The following CHRNA1 variants were observed in gnomAD, a reference collection of about 807,000 sequenced individuals.
The protein encoded by CHRNA1 is acetylcholine receptor subunit alpha.
Under a neutral mutation model 47.1 loss-of-function variants are expected in CHRNA1, and 35 were observed. The observed-to-expected ratio is 0.74, with a 90% CI of 0.57 to 0.99. CHRNA1 has a LOEUF of 0.99. Among genes scored for constraint, CHRNA1 ranks in the 50% least tolerant of loss-of-function variants. The pLI is 0.00. For synonymous variants in CHRNA1, 229 were observed against 223.6 expected, an observed-to-expected ratio of 1.02 and a Z score of -0.22; for missense variants, 506 against 591.1, an observed-to-expected ratio of 0.86 and a Z score of 1.49.
intron 3 of CHRNA1, among the ~76,000 whole-genome samples, chr2:174,758,600 A>C (rs1408137344): frequency 6.6e-6 from 1 of 151,388 alleles, no homozygotes; most frequent in Non-Finnish European, 1.5e-5. Context: ...ATTTCAAAAT[A>C]AAAACCAAAA....
chr2:174,753,663 G>A lies in CHRNA1; in HGVS notation c.618C>T (p.His206=), dbSNP rs757820359. The A allele has an allele frequency of 2.5e-6, 4 of 1,614,144 alleles. No homozygotes were observed. The highest frequency in any genetic ancestry group is 2.2e-5 in the East Asian group (1 of 44,890). The change falls in exon 6 of 9, where the codon CAC becomes CAT. Residue 206 remains histidine, a synonymous_variant. Transcript: ENST00000348749. ...CGGGGCAGCAGGAATAGGTCACGGAGTGCTTCCAGCCCCGGGACTCCTTGA... is the reference window on the plus strand; with the variant it reads ...CGGGGCAGCAGGAATAGGTCACGGAATGCTTCCAGCCCCGGGACTCCTTGA... ...WVIKESRGWK[H]SVTYSCCPDT...
chr2:174,763,679 A>C (rs1391617975), intron 1 of CHRNA1, among the ~76,000 whole-genome samples: 1 of 152,178 alleles, frequency 6.6e-6, no homozygotes, highest in Non-Finnish European at 1.5e-5. Context: ...CCAGAGTAGA[A>C]TGCAGGTCAA....
chr2:174,752,754 G>GT (rs113379404), intron 6 of CHRNA1: 68,737 of 148,064 alleles, frequency 0.46, 16,607 homozygotes, highest in Non-Finnish European at 0.54. Context: ...AGATTTTGTG[G>GT]TTTTTTTTTT....
intron 1 of CHRNA1, among the ~76,000 whole-genome samples, chr2:174,760,551 G>C (rs941682788): frequency 6.6e-6 from 1 of 152,148 alleles, no homozygotes; most frequent in Non-Finnish European, 1.5e-5. Context: ...GGGACTGGGG[G>C]GGAGAGAGGG....
intron 6 of CHRNA1, chr2:174,752,754 G>T (rs2646174): frequency 0.34 from 49,752 of 148,252 alleles, 9,785 homozygotes; most frequent in East Asian, 0.72. Context: ...AGATTTTGTG[G>T]TTTTTTTTTT....
intron 1 of CHRNA1, among the ~76,000 whole-genome samples, chr2:174,763,881 A>T (rs763289911): frequency 3.3e-5 from 5 of 152,210 alleles, no homozygotes; most frequent in Non-Finnish European, 5.9e-5. Context: ...TATCTCCAGC[A>T]CATGTAGCTG....
rs1248124407 is a variant in CHRNA1 at position 174,749,933 on chromosome 2, C to A, written c.1002+13G>T. The A allele has an allele frequency of 6.2e-7, 1 of 1,610,924 alleles. No homozygotes were observed. The highest frequency in any genetic ancestry group is 8.5e-7 in the Non-Finnish European group (1 of 1,177,516). On this transcript the variant is annotated intron_variant, in intron 7 of 8. Transcript: ENST00000348749. Reference sequence around the variant, plus strand: ...TGCCTCCGTGTGAAGTCTGCAGGGGCCTCCCCACTCACCTTCCGCACCCAG... The same window carrying A: ...TGCCTCCGTGTGAAGTCTGCAGGGGACTCCCCACTCACCTTCCGCACCCAG...
At chr2:174,759,681 T>A in intron 1 of CHRNA1, 48 bp from the exon 2 acceptor site, 1 of 1,606,542 alleles carries the variant, frequency 6.2e-7, no homozygotes. Flanking sequence ...CTCCCCACCC[T>A]CCAAACACAT....
rs554696881 is a variant in CHRNA1, at chr2:174,758,224, C to T, written c.235-549G>A. Among the ~76,000 whole-genome samples the T allele has an allele frequency of 4.6e-5, 7 of 152,250 alleles. No homozygotes were observed. In the East Asian group the frequency reaches 1.2e-3, roughly 25 times the overall value. ...AGGAGTTCGAGACCAGCCTGGCTAA[C>T]ATAGTGAAACCTCGTCTCTATTAAA... On this transcript the variant is annotated intron_variant, in intron 3 of 8. Coordinates refer to ENST00000348749, the MANE Select transcript of CHRNA1 (RefSeq NM_000079.4).
chr2:174,751,462 G>A lies in CHRNA1; in HGVS notation c.779-1293C>T, dbSNP rs187498227. Among the ~76,000 whole-genome samples, 43 of 152,240 alleles carry A rather than the reference G, an allele frequency of 2.8e-4. 1 individual carries two copies. In the South Asian group the frequency reaches 8.7e-3, roughly 31 times the overall value. ...ATATAGAATATGTATGTATGTATAC[G>A]ATAAAGAGTGGAAACAAACAAGAAA... On this transcript the variant is annotated intron_variant, in intron 6 of 8. Transcript: ENST00000348749.
intron 1 of CHRNA1, among the ~76,000 whole-genome samples, chr2:174,760,844 G>A (rs1684088488): frequency 6.6e-6 from 1 of 152,134 alleles, no homozygotes; most frequent in African/African-American, 2.4e-5. Context: ...GAACATAAGC[G>A]ATTCCAAGGA....
rs774423842 is a variant in CHRNA1, at chr2:174,759,559, G to T, written c.118C>A (p.Arg40=). The part of the protein sequence containing the change: ...KLFKDYSSVV[R]PVEDHRQVVE... ...ACCTGGCGGTGGTCTTCCACTGGCCGCACCACGCTGCTGTAGTCTTTAAAT... is the reference window on the plus strand; with the variant it reads ...ACCTGGCGGTGGTCTTCCACTGGCCTCACCACGCTGCTGTAGTCTTTAAAT... Residue 40 remains arginine, a synonymous_variant, in exon 2 of 9, where the codon CGG becomes AGG. Transcript: ENST00000348749. 1 of 1,613,926 alleles carries T rather than the reference G, an allele frequency of 6.2e-7. No homozygotes were observed. Among genetic ancestry groups the T allele is most frequent in the African/African-American group, 1.3e-5 (1 of 74,928 alleles).
chr2:174,757,762 T>A (rs1684011708), intron 3 of CHRNA1, 87 bp from the exon 4 acceptor site: 9 of 1,217,508 alleles, frequency 7.4e-6, no homozygotes, highest in Non-Finnish European at 1.1e-5. Flanking sequence ...TGCATGGGAA[T>A]TCAGTATTGA....
At chr2:174,753,401 C>T (rs533985924) in intron 6 of CHRNA1, 102 bp downstream of exon 6, 5 of 1,149,814 alleles carry the variant, frequency 4.3e-6, no homozygotes, top group Admixed American at 3.4e-5. Flanking sequence ...TGGTTCGGGT[C>T]GATCTGCCTG....
chr2:174,760,733 A>AT (rs1249636995), intron 1 of CHRNA1, among the ~76,000 whole-genome samples: 1 of 152,200 alleles, frequency 6.6e-6, no homozygotes. Context: ...TTTTACCACG[A>AT]TTTTTTAAAA....
intron 1 of CHRNA1, among the ~76,000 whole-genome samples, chr2:174,763,407 T>C (rs367932136): frequency 7.2e-5 from 11 of 152,266 alleles, no homozygotes; most frequent in African/African-American, 2.6e-4. Flanking sequence ...TGATATAATT[T>C]ATCTGAGTTT....
At chr2:174,750,317 G>A (rs1004029980) in intron 6 of CHRNA1, 148 bp from the exon 7 acceptor site, 3 of 680,220 alleles carry the variant, frequency 4.4e-6, no homozygotes, top group Non-Finnish European at 7.7e-6. Flanking sequence ...GGACTTTAAG[G>A]AGGTAATTAA....
chr2:174,756,539 G>T (rs915985534), intron 4 of CHRNA1, among the ~76,000 whole-genome samples: 1 of 152,194 alleles, frequency 6.6e-6, no homozygotes, highest in Admixed American at 6.5e-5. Flanking sequence ...CCTCACCAGG[G>T]TGATCCTGAG....
intron 7 of CHRNA1, among the ~76,000 whole-genome samples, chr2:174,749,420 T>C (rs78798655): frequency 0.02 from 3,070 of 152,336 alleles, 102 homozygotes; most frequent in African/African-American, 0.07. Context: ...CTGTAAAGTT[T>C]TGTCAAAGAA....
Sources: gnomAD v4.1 joint callset for allele counts (sites outside exome capture counted in the v4.1 genomes callset) on GRCh38, gnomAD v4.1.1 for gene constraint, MANE v1.5 for transcripts, NCBI Gene and HGNC (gene_info 2026-07-23, HGNC 2026-07-21) for gene names.